GINS2: variants seen among roughly 807,000 people sequenced by gnomAD.
The protein encoded by GINS2 is DNA replication complex GINS protein PSF2.
A neutral mutation model predicts 21.2 loss-of-function variants in GINS2; 23 were observed. That is an observed-to-expected ratio of 1.08 (90% confidence interval 0.78 to 1.53). The LOEUF is 1.53. Ranked by LOEUF, GINS2 falls within the 40% of genes most tolerant of loss-of-function variation. The pLI, the probability that GINS2 is intolerant of heterozygous loss-of-function variation, is 0.00. For synonymous variants in GINS2, 118 were observed against 85.6 expected (o/e 1.38, Z -2.09); for missense variants, 323 against 233.9 (o/e 1.38, Z -2.49).
chr16:85,688,954 C>G lies in GINS2; in HGVS notation c.-56G>C, dbSNP rs58171120. 380,756 of 1,262,526 alleles carry G rather than the reference C, an allele frequency of 0.3. 58,178 individuals are homozygous for G. The highest frequency in any genetic ancestry group is 0.39 in the African/African-American group (24,703 of 64,050). 78.2% of individuals were successfully genotyped at this position (1,262,526 alleles called of 1,614,324 possible). ...GGTCTCCTCGGGCCCCTCAGCGTCCCGGAGGAGACGCCGCGGCCGCCGTTT... is the reference window on the plus strand; with the variant it reads ...GGTCTCCTCGGGCCCCTCAGCGTCCGGGAGGAGACGCCGCGGCCGCCGTTT... On this transcript the variant is annotated 5_prime_UTR_variant, in exon 1 of 5. Transcript: ENST00000253462.
chr16:85,683,728 G>A (rs1262094510), intron 2 of GINS2, among the ~76,000 whole-genome samples: 1 of 152,116 alleles, frequency 6.6e-6, no homozygotes, highest in African/African-American at 2.4e-5. Context: ...TTCATTCCCT[G>A]CTCCTATTGC....
Position 85,688,910 on chromosome 16 carries a change from C to A in GINS2, c.-12G>T. On this transcript the variant is annotated 5_prime_UTR_variant, in exon 1 of 5. Transcript: ENST00000253462. ...TCGGCAGCGTCCATGGCGGCGCGAG[C>A]TGCAGGCCAGAGCCTCACGGTCTCC... The A allele has an allele frequency of 6.5e-7, 1 of 1,532,610 alleles. No individual in the cohort carries two copies. The highest frequency in any genetic ancestry group is 8.8e-7 in the Non-Finnish European group (1 of 1,136,360). 94.9% of individuals were successfully genotyped at this position (1,532,610 alleles called of 1,614,324 possible).
Position 85,688,882 on chromosome 16 carries a change from A to T in GINS2, c.17T>A (p.Val6Asp), listed in dbSNP as rs1256117563. The T allele has an allele frequency of 6.5e-7, 1 of 1,538,444 alleles. No individual in the cohort carries two copies. Among genetic ancestry groups the T allele is most frequent in the Non-Finnish European group, 8.8e-7 (1 of 1,140,614 alleles). Residue 6 changes from valine to aspartate, a missense_variant, in exon 1 of 5, where the codon GTC (valine) becomes GAC (aspartate). Coordinates refer to ENST00000253462, the MANE Select transcript of GINS2 (RefSeq NM_016095.3). MDAAEVEFLAEKELVT... is the reference protein window; with the variant it reads MDAAEDEFLAEKELVT... The stretch of plus-strand genomic sequence containing the variant: ...CAGCTCCTTCTCGGCGAGGAATTCG[A>T]CCTCGGCAGCGTCCATGGCGGCGCG...
chr16:85,688,811 C>A lies in GINS2; in HGVS notation c.88G>T (p.Gly30Trp). 6.5e-7 allele frequency: 1 copy of A among 1,527,064 alleles called. No individual in the cohort carries two copies. Among genetic ancestry groups the A allele is most frequent in the East Asian group, 2.6e-5 (1 of 38,416 alleles). 94.6% of individuals were successfully genotyped at this position (1,527,064 alleles called of 1,614,324 possible). Residue 30 changes from glycine to tryptophan, a missense_variant and splice_region_variant, in exon 1 of 5, where the codon GGG becomes TGG. Transcript: ENST00000253462. Reference sequence around the variant, plus strand: ...CCCACGGCGGGCCCAGGCCTCACCCCGATGAGGTAGATCTTGTCCAGACTG... The same window carrying A: ...CCCACGGCGGGCCCAGGCCTCACCCAGATGAGGTAGATCTTGTCCAGACTG... ...NFSLDKIYLIGGDLGPFNPGL... is the reference protein window; with the variant it reads ...NFSLDKIYLIWGDLGPFNPGL...
chr16:85,687,419 A>C, intron 2 of GINS2, 41 bp downstream of exon 2: 7 of 1,206,300 alleles, frequency 5.8e-6, no homozygotes, highest in Non-Finnish European at 6.9e-6. Flanking sequence ...CCCCAAGCCC[A>C]GCCCCACCCA....
At chr16:85,678,889 GGCT>G (rs2053709194) in intron 3 of GINS2, among the ~76,000 whole-genome samples, 2 of 152,228 alleles carry the variant, frequency 1.3e-5, no homozygotes, top group Non-Finnish European at 1.5e-5. Context: ...TCCCATGGCA[GGCT>G]GCTGAACAGG....
At chr16:85,680,715 C>T (rs2053724438) in intron 3 of GINS2, among the ~76,000 whole-genome samples, 1 of 152,192 alleles carries the variant, frequency 6.6e-6, no homozygotes, top group Admixed American at 6.5e-5. Context: ...ACATGTTATG[C>T]TAACCAGCAG....
Position 85,678,130 on chromosome 16 carries a change from T to C in GINS2, c.*82A>G. 3.2e-6 allele frequency: 4 copies of C among 1,259,558 alleles called. No individual in the cohort carries two copies. Among genetic ancestry groups the C allele is most frequent in the Non-Finnish European group, 4.5e-6 (4 of 881,110 alleles). 78.0% of individuals were successfully genotyped at this position (1,259,558 alleles called of 1,614,324 possible). ...ACATTTTTCATGCATCAGAAGTGTT[T>C]CTAGAGCTCCAGAACCACGAGTACC... On this transcript the variant is annotated 3_prime_UTR_variant, in exon 5 of 5. Coordinates refer to ENST00000253462, the MANE Select transcript of GINS2 (RefSeq NM_016095.3).
chr16:85,687,093 C>A (rs766012249), intron 2 of GINS2, among the ~76,000 whole-genome samples: 1 of 152,188 alleles, frequency 6.6e-6, no homozygotes, highest in Non-Finnish European at 1.5e-5. Context: ...TGGTGGCGCA[C>A]GCCAGTGGTC....
rs138521979 is a variant in GINS2, at chr16:85,683,816, T to C, written c.206-2135A>G. 2.6e-3 allele frequency among the ~76,000 whole-genome samples: 399 copies of C among 152,316 alleles called. 1 individual carries two copies. Among genetic ancestry groups the C allele is most frequent in the Middle Eastern group, 6.8e-3 (2 of 294 alleles). On this transcript the variant is annotated intron_variant, in intron 2 of 4. Transcript: ENST00000253462. The stretch of plus-strand genomic sequence containing the variant: ...TTATGAAACACCTCTGGTCCAACTT[T>C]CTAGCAAATAAAAAAGCTACAGTCA...
At chr16:85,684,621 T>A (rs1266958825) in intron 2 of GINS2, among the ~76,000 whole-genome samples, 1 of 151,650 alleles carries the variant, frequency 6.6e-6, no homozygotes, top group African/African-American at 2.4e-5. Flanking sequence ...CCAGGTGGTG[T>A]GAATATGAGT....
In GINS2 at chr16:85,685,685, A is replaced by AAAAAAAAAAAAAAC. The variant is rs56405044; in HGVS notation, c.205+1774_205+1775insGTTTTTTTTTTTTT. Among the ~76,000 whole-genome samples, 18 of 120,988 alleles carry AAAAAAAAAAAAAAC rather than the reference A, an allele frequency of 1.5e-4. 1 individual carries two copies. Among genetic ancestry groups the AAAAAAAAAAAAAAC allele is most frequent in the Non-Finnish European group, 2.7e-4 (14 of 51,872 alleles). 79.4% of individuals were successfully genotyped at this position (120,988 alleles called of 152,430 possible). ...GACCCTTTCTCAAAAAAAAAAAAAA[A>AAAAAAAAAAAAAAC]AAAAAACCGTCTCAAAGCAGAGGAA... On this transcript the variant is annotated intron_variant, in intron 2 of 4. Transcript: ENST00000253462.
chr16:85,687,371 G>A (rs919630441), intron 2 of GINS2, 89 bp downstream of exon 2: 12 of 662,020 alleles, frequency 1.8e-5, no homozygotes, highest in African/African-American at 9.2e-5. Flanking sequence ...TAGTCAGGAA[G>A]GAGGCCCCAT....
At chr16:85,679,448 C>T (rs1001880683) in intron 3 of GINS2, among the ~76,000 whole-genome samples, 6 of 152,226 alleles carry the variant, frequency 3.9e-5, no homozygotes, top group Non-Finnish European at 7.3e-5. Flanking sequence ...TTACAGGTTA[C>T]GCTAGACATT....
At chr16:85,681,982 CT>C (rs1191404416) in intron 2 of GINS2, among the ~76,000 whole-genome samples, 3 of 97,696 alleles carry the variant, frequency 3.1e-5, no homozygotes, top group Non-Finnish European at 6.5e-5. Context: ...TGTTTTTTTT[CT>C]TTTTTAGGGA....
chr16:85,679,622 C>G (rs1281631736), intron 3 of GINS2, among the ~76,000 whole-genome samples: 1 of 152,202 alleles, frequency 6.6e-6, no homozygotes, highest in African/African-American at 2.4e-5. Flanking sequence ...AACTATAGAA[C>G]AAACGTAAAA....
rs775150415 is a variant in GINS2, at chr16:85,687,418, C to T, written c.205+42G>A. 22 of 1,259,466 alleles carry T rather than the reference C, an allele frequency of 1.7e-5. No homozygotes were observed. In the South Asian group the frequency reaches 3.4e-4, roughly 20 times the overall value. 78.0% of individuals were successfully genotyped at this position (1,259,466 alleles called of 1,614,324 possible). A position where few individuals can be genotyped will look rare whatever the true frequency, so the allele number is the denominator to read the frequency against. ...GTGGGAGAGGGCGTCACCCCAAGCCCAGCCCCACCCACGCATCAACCAGTC... is the reference window on the plus strand; with the variant it reads ...GTGGGAGAGGGCGTCACCCCAAGCCTAGCCCCACCCACGCATCAACCAGTC... On this transcript the variant is annotated intron_variant, in intron 2 of 4. Transcript: ENST00000253462.
intron 2 of GINS2, among the ~76,000 whole-genome samples, chr16:85,684,275 A>C (rs971623049): frequency 6.6e-6 from 1 of 152,218 alleles, no homozygotes; most frequent in African/African-American, 2.4e-5. Context: ...TGGAGGTTGC[A>C]GTGAGCCATG....
chr16:85,684,344 A>G (rs1277143969), intron 2 of GINS2, among the ~76,000 whole-genome samples: 2 of 152,088 alleles, frequency 1.3e-5, no homozygotes, highest in Non-Finnish European at 2.9e-5. Context: ...AAAAGCCAAA[A>G]ATGAGCTGGG....
Sources: gnomAD v4.1 joint callset for allele counts (sites outside exome capture counted in the v4.1 genomes callset) on GRCh38, gnomAD v4.1.1 for gene constraint, MANE v1.5 for transcripts, NCBI Gene and HGNC (gene_info 2026-07-23, HGNC 2026-07-21) for gene names.